ZNF451: variants seen among roughly 807,000 people sequenced by gnomAD.
ZNF451 encodes zinc finger protein 451, also known as E3 SUMO-protein ligase ZNF451.
Under a neutral mutation model 107.1 loss-of-function variants are expected in ZNF451, and 80 were observed. The ratio of observed to expected loss-of-function variants is 0.75; its 90% CI spans 0.62 to 0.90. The LOEUF is 0.90. Among genes scored for constraint, ZNF451 ranks in the 40% least tolerant of loss-of-function variants. The probability of loss-of-function intolerance (pLI) is 0.00; values close to 1 mark genes in which losing one functional copy is unlikely to be tolerated. For synonymous variants in ZNF451, 362 were observed against 406.5 expected (o/e 0.89, Z 1.32); for missense variants, 1,107 against 1,236.2 (o/e 0.90, Z 1.57).
In ZNF451 at chr6:57,161,064, G is replaced by A; in HGVS notation, c.3071-20G>A. ...TAAATTTATGGCACAATAACTGCAT[G>A]TATTGATTCTTCTTTACAGAATGTG... On this transcript the variant is annotated intron_variant, in intron 13 of 14. Coordinates refer to ENST00000370706, the MANE Select transcript of ZNF451 (RefSeq NM_001031623.3). The A allele has an allele frequency of 2.0e-6, 3 of 1,494,496 alleles. No individual in the cohort carries two copies. The highest frequency in any genetic ancestry group is 2.4e-5 in the East Asian group (1 of 42,126). 92.6% of individuals were successfully genotyped at this position (1,494,496 alleles called of 1,614,324 possible). A position where few individuals can be genotyped will look rare whatever the true frequency, so the allele number is the denominator to read the frequency against.
At chr6:57,108,458 C>T (rs1829968894) in intron 3 of ZNF451, 1 of 985,200 alleles carries the variant, frequency 1.0e-6, no homozygotes, top group South Asian at 4.7e-5. Flanking sequence ...GGTGAGGTAA[C>T]AGTGATGTGG....
At chr6:57,138,739 ATATGTG>A (rs1232840188) in intron 7 of ZNF451, among the ~76,000 whole-genome samples, 170 of 73,204 alleles carry the variant, frequency 2.3e-3, no homozygotes, top group East Asian at 0.014. Context: ...ATATATATAT[ATATGTG>A]TGTGTGTGTG....
intron 3 of ZNF451, chr6:57,109,752 C>A: frequency 1.1e-6 from 1 of 909,974 alleles, no homozygotes. Flanking sequence ...AAGAAATGCT[C>A]ATAATAATAA....
chr6:57,124,744 A>AT lies in ZNF451; in HGVS notation c.197_198insT (p.Lys66AsnfsTer3). 6.3e-7 allele frequency: 1 copy of AT among 1,587,974 alleles called. No homozygotes were observed. Among genetic ancestry groups the AT allele is most frequent in the Non-Finnish European group, 8.6e-7 (1 of 1,158,822 alleles). ...TTTTTCATGTTATAGGAGAATATTA[A>AT]ACGTAAAGACCATATTGATTATCAG... On this transcript the variant is annotated frameshift_variant, in exon 4 of 15. Transcript: ENST00000370706. LOFTEE classifies it high-confidence loss of function.
chr6:57,107,720 T>G, intron 3 of ZNF451: 1 of 985,478 alleles, frequency 1.0e-6, no homozygotes, highest in Non-Finnish European at 1.2e-6. Flanking sequence ...TCAATAAGAA[T>G]TCTCAGGCTG....
At chr6:57,119,525 A>C (rs1191940064) in intron 3 of ZNF451, among the ~76,000 whole-genome samples, 1 of 152,030 alleles carries the variant, frequency 6.6e-6, no homozygotes, top group African/African-American at 2.4e-5. Context: ...CTCCGTCTCA[A>C]AAGAAAAAAG....
chr6:57,098,350 TA>T (rs1431119203), intron 2 of ZNF451, among the ~76,000 whole-genome samples: 3 of 151,784 alleles, frequency 2.0e-5, no homozygotes, highest in Admixed American at 2.0e-4. Context: ...CAATCTCTTT[TA>T]GTTTTCCATT....
intron 5 of ZNF451, among the ~76,000 whole-genome samples, chr6:57,131,939 G>T (rs189920040): frequency 1.3e-5 from 2 of 152,080 alleles, no homozygotes; most frequent in Non-Finnish European, 2.9e-5. Flanking sequence ...TATATCATGC[G>T]TTGGGAGTTG....
Position 57,150,728 on chromosome 6 carries a change from T to C in ZNF451, c.2618T>C (p.Ile873Thr), listed in dbSNP as rs756951348. ...DLSYQNIEEE[I>T]VELPDLDYLR... The stretch of plus-strand genomic sequence containing the variant: ...ATTTCTCTCTTCTCAGAGGAAGAAA[T>C]TGTTGAGCTTCCAGATTTGGATTAC... Residue 873 changes from isoleucine (I) to threonine (T), a missense_variant, in exon 11 of 15, where the codon ATT becomes ACT. Physicochemically the swap from Ile to Thr is moderately conservative, Grantham distance 89. Coordinates refer to ENST00000370706, the MANE Select transcript of ZNF451 (RefSeq NM_001031623.3). 5.0e-6 allele frequency: 8 copies of C among 1,601,822 alleles called. No homozygotes were observed. The highest frequency in any genetic ancestry group is 1.7e-5 in the Admixed American group (1 of 57,800).
chr6:57,153,000 C>T (rs185487842), intron 12 of ZNF451, among the ~76,000 whole-genome samples: 39 of 152,144 alleles, frequency 2.6e-4, no homozygotes, highest in African/African-American at 9.2e-4. Context: ...TTTGCATTTG[C>T]TTCTGTCTCT....
chr6:57,092,990 C>G (rs189375245), intron 2 of ZNF451: 5 of 152,280 alleles, frequency 3.3e-5, no homozygotes, highest in Admixed American at 3.3e-4. Context: ...CCTCATACAT[C>G]TATGTAAACA....
intron 2 of ZNF451, chr6:57,091,481 C>A (rs1312700448): frequency 1.3e-5 from 2 of 149,926 alleles, no homozygotes; most frequent in Non-Finnish European, 3.0e-5. Flanking sequence ...ATTCCTGGGC[C>A]CCACTGCAGA....
intron 3 of ZNF451, among the ~76,000 whole-genome samples, chr6:57,120,655 C>A (rs1830596973): frequency 6.6e-6 from 1 of 152,148 alleles, no homozygotes; most frequent in South Asian, 2.1e-4. Context: ...ATATGCTGAT[C>A]TTTTCATATG....
intron 4 of ZNF451, among the ~76,000 whole-genome samples, chr6:57,128,318 C>T (rs1405475829): frequency 6.6e-6 from 1 of 151,642 alleles, no homozygotes; most frequent in Admixed American, 6.6e-5. Context: ...GCTTTTTTTT[C>T]CTCTGCAGAT....
At chr6:57,151,919 C>G in intron 11 of ZNF451, 1 of 222,876 alleles carries the variant, frequency 4.5e-6, no homozygotes, top group Non-Finnish European at 8.8e-6. Flanking sequence ...GTAAAAACCA[C>G]TTATGCTTAC....
chr6:57,112,765 A>C (rs769968027), intron 3 of ZNF451, among the ~76,000 whole-genome samples: 1 of 152,202 alleles, frequency 6.6e-6, no homozygotes, highest in Non-Finnish European at 1.5e-5. Context: ...AGAGAGGTCT[A>C]GTGACTTCAT....
intron 11 of ZNF451, chr6:57,151,241 G>A (rs757239996): frequency 2.5e-5 from 4 of 161,230 alleles, no homozygotes; most frequent in South Asian, 1.7e-4. Context: ...GCGTGGTGGC[G>A]GGCCCCTGTA....
chr6:57,144,381 T>C (rs1174178015), intron 9 of ZNF451, among the ~76,000 whole-genome samples: 1 of 151,388 alleles, frequency 6.6e-6, no homozygotes, highest in Non-Finnish European at 1.5e-5. Context: ...CCTGGGACTA[T>C]AGGTGTGTGC....
intron 3 of ZNF451, chr6:57,103,063 C>T: frequency 1.0e-6 from 1 of 985,384 alleles, no homozygotes; most frequent in Non-Finnish European, 1.2e-6. Context: ...GCATCACACT[C>T]TAAATACAAA....
Sources: gnomAD v4.1 joint callset for allele counts (sites outside exome capture counted in the v4.1 genomes callset) on GRCh38, gnomAD v4.1.1 for gene constraint, MANE v1.5 for transcripts, NCBI Gene and HGNC (gene_info 2026-07-23, HGNC 2026-07-21) for gene names.